The following PCDH11X variants were observed in gnomAD, a reference collection of about 807,000 sequenced individuals.
PCDH11X encodes protocadherin-11 X-linked.
In PCDH11X, 18 loss-of-function variants were observed where a neutral mutation model predicts 53.3. The observed-to-expected ratio is 0.34, with a 90% CI of 0.23 to 0.50. The LOEUF (loss-of-function observed/expected upper bound fraction) is 0.50, where lower values mean the gene tolerates loss of function less well. Among genes scored for constraint, PCDH11X ranks in the 20% least tolerant of loss-of-function variants. The probability of loss-of-function intolerance (pLI) is 0.98; values close to 1 mark genes in which losing one functional copy is unlikely to be tolerated. For missense variants in PCDH11X, 570 were observed against 1,032.4 expected, an observed-to-expected ratio of 0.55 and a Z score of 6.14; for synonymous variants, 279 against 393.3, an observed-to-expected ratio of 0.71 and a Z score of 3.44.
chrX:92,348,261 C>T (rs2069951005), intron 8 of PCDH11X, among the ~76,000 whole-genome samples: 1 of 110,804 alleles, frequency 9.0e-6, no homozygotes, highest in Non-Finnish European at 1.9e-5. Context: ...CGGGCTGGGT[C>T]AGAAAATCAA....
chrX:92,512,951 G>C (rs1051631424), intron 10 of PCDH11X, among the ~76,000 whole-genome samples: 1 of 110,990 alleles, frequency 9.0e-6, no homozygotes, highest in African/African-American at 3.3e-5. Flanking sequence ...GTAAATGAGA[G>C]ATGATGTATC....
chrX:92,441,852 G>A, intron 9 of PCDH11X, among the ~76,000 whole-genome samples: 1 of 110,444 alleles, frequency 9.1e-6, no homozygotes, highest in East Asian at 2.9e-4. Context: ...AGCTTTCACT[G>A]TGTGCCTGGA....
At chrX:92,241,632 T>C (rs2067263768) in intron 7 of PCDH11X, among the ~76,000 whole-genome samples, 1 of 112,031 alleles carries the variant, frequency 8.9e-6, no homozygotes, top group South Asian at 3.7e-4. Flanking sequence ...AAAGTGGACA[T>C]TCCTCTCAGT....
intron 6 of PCDH11X, among the ~76,000 whole-genome samples, chrX:92,107,816 T>C (rs1382888414): frequency 3.6e-5 from 4 of 112,248 alleles, no homozygotes; most frequent in Non-Finnish European, 7.5e-5. Context: ...CTGAGGGCTA[T>C]GTCATGGGCC....
At chrX:91,943,844 C>T (rs1307616373) in intron 6 of PCDH11X, among the ~76,000 whole-genome samples, 3 of 101,191 alleles carry the variant, frequency 3.0e-5, no homozygotes, top group Non-Finnish European at 6.0e-5. Context: ...CTCCACATTT[C>T]TTTCAGACTA....
intron 9 of PCDH11X, among the ~76,000 whole-genome samples, chrX:92,448,387 C>T (rs2072703390): frequency 1.2e-5 from 1 of 80,555 alleles, no homozygotes; most frequent in Non-Finnish European, 2.4e-5. Context: ...TGGGTCTTTC[C>T]TGCACTGTTC....
intron 6 of PCDH11X, among the ~76,000 whole-genome samples, chrX:92,162,197 T>A (rs1374561405): frequency 5.7e-5 from 6 of 104,744 alleles, no homozygotes; most frequent in African/African-American, 2.1e-4. Flanking sequence ...TTAGATTTTT[T>A]TTTTTTTTTT....
chrX:92,208,587 C>G (rs779322768), intron 7 of PCDH11X, among the ~76,000 whole-genome samples: 1 of 87,029 alleles, frequency 1.1e-5, no homozygotes, highest in Admixed American at 1.3e-4. Context: ...GTATAGTTTT[C>G]TATTCAGCTA....
Position 92,033,260 on chromosome X carries a change from T to C in PCDH11X, c.3033+153987T>C, listed in dbSNP as rs761586118. 2.2e-4 allele frequency among the ~76,000 whole-genome samples: 24 copies of C among 109,914 alleles called. No individual in the cohort carries two copies. The East Asian group carries it at 6.3e-3, about 29-fold the overall frequency. On this transcript the variant is annotated intron_variant, in intron 6 of 10. Transcript: ENST00000682573. ...AGTAATACTGGCCTCATAGAATGAA[T>C]TTGGAAGTATTCCCTTCTGCTTTAT...
chrX:92,478,854 A>G (rs2073444998), intron 10 of PCDH11X, among the ~76,000 whole-genome samples: 1 of 110,917 alleles, frequency 9.0e-6, no homozygotes, highest in South Asian at 3.8e-4. Context: ...ATTCTGTGGT[A>G]TTTGGGTAGA....
At chrX:91,822,682 G>T (rs1345773923) in intron 4 of PCDH11X, among the ~76,000 whole-genome samples, 1 of 107,049 alleles carries the variant, frequency 9.3e-6, no homozygotes, top group African/African-American at 3.4e-5. Context: ...CTTCAGTTCT[G>T]CTCTGATTTT....
intron 8 of PCDH11X, among the ~76,000 whole-genome samples, chrX:92,303,972 G>A (rs1440869810): frequency 9.0e-6 from 1 of 111,234 alleles, no homozygotes; most frequent in East Asian, 2.8e-4. Context: ...GGAAGAATAA[G>A]AACTCTTAGT....
chrX:92,597,623 A>G (rs1925775570), intron 10 of PCDH11X, among the ~76,000 whole-genome samples: 1 of 111,897 alleles, frequency 8.9e-6, no homozygotes, highest in African/African-American at 3.2e-5. Context: ...TACAGATTTA[A>G]TGTAATCCCT....
In PCDH11X at chrX:92,274,146, C is replaced by A. The variant is rs966262754; in HGVS notation, c.3144+11003C>A. ...ACTGGGGCCTAATAAAAAGGAGCGT[C>A]TATACAGGAGCTTAAATTGGCTGTA... On this transcript the variant is annotated intron_variant, in intron 8 of 10. Coordinates refer to ENST00000682573, the MANE Select transcript of PCDH11X (RefSeq NM_032968.5). Among the ~76,000 whole-genome samples, 116 of 106,923 alleles carry A rather than the reference C, an allele frequency of 1.1e-3. 1 individual carries two copies. The highest frequency in any genetic ancestry group is 3.8e-3 in the African/African-American group (112 of 29,114). 92.8% of individuals were successfully genotyped at this position (106,923 alleles called of 115,157 possible). A position where few individuals can be genotyped will look rare whatever the true frequency, so the allele number is the denominator to read the frequency against.
chrX:92,156,760 G>T (rs1376226695), intron 6 of PCDH11X, among the ~76,000 whole-genome samples: 2 of 111,454 alleles, frequency 1.8e-5, no homozygotes, highest in African/African-American at 6.5e-5. Flanking sequence ...AGTTTAATTT[G>T]ATATACTACC....
At chrX:92,475,574 T>C (rs949280605) in intron 10 of PCDH11X, among the ~76,000 whole-genome samples, 1 of 112,192 alleles carries the variant, frequency 8.9e-6, no homozygotes, top group African/African-American at 3.2e-5. Flanking sequence ...GTTATTTGTT[T>C]GTTTTCTCTT....
intron 6 of PCDH11X, among the ~76,000 whole-genome samples, chrX:91,915,440 A>G (rs765342415): frequency 9.0e-6 from 1 of 111,056 alleles, no homozygotes; most frequent in South Asian, 3.8e-4. Flanking sequence ...GCTGTCTTCA[A>G]GAGACTCACT....
At chrX:91,779,955 A>G (rs1420867578) in intron 1 of PCDH11X, among the ~76,000 whole-genome samples, 1 of 111,820 alleles carries the variant, frequency 8.9e-6, no homozygotes, top group East Asian at 2.8e-4. Context: ...CTTTTGTCAG[A>G]AATGTGTCGG....
chrX:91,884,376 T>G (rs924109549), intron 6 of PCDH11X, among the ~76,000 whole-genome samples: 35 of 110,512 alleles, frequency 3.2e-4, no homozygotes, highest in Non-Finnish European at 5.5e-4. Context: ...CGAAACATAA[T>G]TCCAGTCATA....
Sources: allele counts gnomAD v4.1 joint callset (sites outside exome capture counted in the v4.1 genomes callset), GRCh38; gene constraint gnomAD v4.1.1; transcripts MANE v1.5; gene names NCBI Gene and HGNC (gene_info 2026-07-23, HGNC 2026-07-21).